The following PPP2R2D variants were observed in gnomAD, a reference collection of about 807,000 sequenced individuals.
The protein encoded by PPP2R2D is protein phosphatase 2 regulatory subunit Bdelta.
PPP2R2D carries 9 observed loss-of-function variants against 31.1 expected under a neutral mutation model. That is an observed-to-expected ratio of 0.29 (90% CI 0.17 to 0.51). The LOEUF (loss-of-function observed/expected upper bound fraction) is 0.51, where lower values mean the gene tolerates loss of function less well. PPP2R2D is among the 20% of genes least tolerant of loss of function. The pLI, the probability that PPP2R2D is intolerant of heterozygous loss-of-function variation, is 0.98. For synonymous variants in PPP2R2D, 179 were observed against 172.6 expected, an observed-to-expected ratio of 1.04 and a Z score of -0.29; for missense variants, 391 against 465.6, an observed-to-expected ratio of 0.84 and a Z score of 1.48.
At chr10:131,936,456 T>C (rs1434550718) in intron 3 of PPP2R2D, among the ~76,000 whole-genome samples, 4 of 152,174 alleles carry the variant, frequency 2.6e-5, no homozygotes, top group Non-Finnish European at 5.9e-5. Flanking sequence ...AGCAGGAGGA[T>C]TTTTTAACAA....
At chr10:131,920,245 T>C (rs1270173591) in intron 2 of PPP2R2D, among the ~76,000 whole-genome samples, 2 of 144,780 alleles carry the variant, frequency 1.4e-5, no homozygotes, top group Non-Finnish European at 3.0e-5. Flanking sequence ...ACAGTGTTTG[T>C]AGGGACCTGA....
At chr10:131,904,379 G>A (rs987130909) in intron 2 of PPP2R2D, among the ~76,000 whole-genome samples, 3 of 151,810 alleles carry the variant, frequency 2.0e-5, no homozygotes, top group East Asian at 1.9e-4. Context: ...GTGTGATGGC[G>A]GGCGCCTGCA....
chr10:131,941,646 G>A (rs2036444326), intron 5 of PPP2R2D, among the ~76,000 whole-genome samples: 1 of 152,224 alleles, frequency 6.6e-6, no homozygotes, highest in African/African-American at 2.4e-5. Context: ...GACTGAGTGA[G>A]TGAGCCCATT....
chr10:131,906,986 C>A (rs938238060), intron 2 of PPP2R2D, among the ~76,000 whole-genome samples: 4 of 151,680 alleles, frequency 2.6e-5, no homozygotes, highest in African/African-American at 7.2e-5. Context: ...TATATATAAT[C>A]TTTGAAATTA....
chr10:131,902,631 A>G (rs1016634682), intron 2 of PPP2R2D, among the ~76,000 whole-genome samples: 4 of 152,228 alleles, frequency 2.6e-5, no homozygotes, highest in African/African-American at 9.6e-5. Context: ...GATTTTGCAT[A>G]TGCTAAGCAA....
chr10:131,931,681 T>C (rs1315000513), intron 2 of PPP2R2D, among the ~76,000 whole-genome samples: 1 of 152,238 alleles, frequency 6.6e-6, no homozygotes, highest in Non-Finnish European at 1.5e-5. Flanking sequence ...TTCTTGAGGC[T>C]CTGCAGGTCG....
chr10:131,933,519 C>G (rs980894823), intron 2 of PPP2R2D, among the ~76,000 whole-genome samples: 2 of 152,208 alleles, frequency 1.3e-5, no homozygotes, highest in Admixed American at 6.5e-5. Flanking sequence ...CAGGGTAAGG[C>G]GAGGAGTCCC....
At chr10:131,925,431 G>T (rs2036086960) in intron 2 of PPP2R2D, among the ~76,000 whole-genome samples, 1 of 152,172 alleles carries the variant, frequency 6.6e-6, no homozygotes, top group Admixed American at 6.5e-5. Flanking sequence ...AATGTTATTA[G>T]TATGGTGTAT....
In PPP2R2D at chr10:131,945,063, C is replaced by T. The variant is rs1554897760; in HGVS notation, c.656-232C>T. On this transcript the variant is annotated intron_variant, in intron 6 of 8. Coordinates refer to ENST00000455566, the MANE Select transcript of PPP2R2D (RefSeq NM_018461.5). The surrounding 1 kb of genome is among the most constrained non-coding windows in gnomAD (Gnocchi z 4.8). ...ATAGCAGCAAGATGAAAGCGGTGTT[C>T]GCTTGTCTGTGTCTCCCCCTGGGCC... is the stretch of plus-strand genomic sequence containing the variant. Among the ~76,000 whole-genome samples, 2 of 152,120 alleles carry T rather than the reference C, an allele frequency of 1.3e-5. No homozygotes were observed. Among genetic ancestry groups the T allele is most frequent in the African/African-American group, 4.8e-5 (2 of 41,406 alleles).
At chr10:131,966,716 A>G in the PPP2R2D span, 1 of 151,888 alleles carries the variant, frequency 6.6e-6, no homozygotes, top group Non-Finnish European at 1.5e-5. Flanking sequence ...ACACGAGGCT[A>G]ATTTTTGTAT....
At chr10:131,950,699 T>C (rs1024699465) in intron 8 of PPP2R2D, among the ~76,000 whole-genome samples, 1 of 152,188 alleles carries the variant, frequency 6.6e-6, no homozygotes, top group African/African-American at 2.4e-5. Flanking sequence ...GAACGCAGCC[T>C]GCAGGGAAGA....
chr10:131,937,272 C>G (rs782797881), intron 3 of PPP2R2D, among the ~76,000 whole-genome samples: 1 of 152,116 alleles, frequency 6.6e-6, no homozygotes, highest in Non-Finnish European at 1.5e-5. Context: ...CTTTTCTGTG[C>G]AGATTAAGTC....
intron 2 of PPP2R2D, among the ~76,000 whole-genome samples, chr10:131,914,225 G>C (rs375061779): frequency 3.9e-5 from 6 of 152,094 alleles, no homozygotes; most frequent in African/African-American, 1.4e-4. Flanking sequence ...AGATATGACC[G>C]GCCTCACACC....
At chr10:131,955,656 T>TGCTGCTGTCTGCTCTTGTTTTGAACAGC in intron 8 of PPP2R2D, 28 bp from the exon 9 acceptor site, 2 of 1,393,766 alleles carry the variant, frequency 1.4e-6, no homozygotes, top group Non-Finnish European at 1.9e-6. Context: ...CACTGAGGAG[T>TGCTGCTGTCTGCTCTTGTTTTGAACAGC]GCTGCTGTCT....
At chr10:131,961,773 C>T (rs1411110276), downstream of PPP2R2D, among the ~76,000 whole-genome samples, 2 of 152,182 alleles carry the variant, frequency 1.3e-5, no homozygotes, top group African/African-American at 4.8e-5. Flanking sequence ...TTGCCTCTGG[C>T]CAGGGCAGGT....
At chr10:131,969,758 G>A in the PPP2R2D span, 1 of 149,256 alleles carries the variant, frequency 6.7e-6, no homozygotes, top group Non-Finnish European at 1.5e-5. Context: ...TCCCCGCTGA[G>A]AGGCTGGGAC....
intron 5 of PPP2R2D, among the ~76,000 whole-genome samples, chr10:131,943,009 G>C (rs527492962): frequency 2.0e-5 from 3 of 152,256 alleles, no homozygotes; most frequent in African/African-American, 7.2e-5. Context: ...TTTCCCCTAA[G>C]CTTTCAAGGC....
rs563690699 is a variant in PPP2R2D at position 131,920,642 on chromosome 10, T to G, written c.101-13816T>G. On this transcript the variant is annotated intron_variant, in intron 2 of 8. Transcript: ENST00000455566. ...AACCTACTTTTGTTTATTTAAAAAA[T>G]TATTGCTGGGCACAGTATCTCACGC... 7.2e-5 allele frequency among the ~76,000 whole-genome samples: 11 copies of G among 152,322 alleles called. No individual in the cohort carries two copies. The South Asian group carries it at 2.3e-3, about 32-fold the overall frequency.
At chr10:131,953,708 GGGGGGGTCA>G (rs2036736972) in intron 8 of PPP2R2D, among the ~76,000 whole-genome samples, 1 of 61,564 alleles carries the variant, frequency 1.6e-5, no homozygotes, top group Non-Finnish European at 3.1e-5. Flanking sequence ...GCGGGTGTGT[GGGGGGGTCA>G]CTGTCTTAGT....
Sources: allele counts gnomAD v4.1 joint callset (sites outside exome capture counted in the v4.1 genomes callset), GRCh38; gene constraint gnomAD v4.1.1; non-coding constraint Gnocchi (gnomAD v3.1); transcripts MANE v1.5; gene names NCBI Gene and HGNC (gene_info 2026-07-23, HGNC 2026-07-21).